The following MAPK6 variants were observed in gnomAD, a reference collection of about 807,000 sequenced individuals.
MAPK6 encodes the protein mitogen-activated protein kinase 6, also known as ERK-3.
A neutral mutation model predicts 59.3 loss-of-function variants in MAPK6; 19 were observed. The observed-to-expected ratio is 0.32, with a 90% CI of 0.22 to 0.47. The LOEUF is 0.47. MAPK6 is among the 20% of genes least tolerant of loss of function. The pLI is 1.00. For missense variants in MAPK6, 724 were observed against 847.9 expected (o/e 0.85, Z 1.81); for synonymous variants, 316 against 290.3 (o/e 1.09, Z -0.90).
At chr15:51,991,423 A>G (rs1344758859) in intron 2 of MAPK6, among the ~76,000 whole-genome samples, 4 of 152,170 alleles carry the variant, frequency 2.6e-5, no homozygotes, top group Non-Finnish European at 4.4e-5. Flanking sequence ...CATGCCAGAA[A>G]GGACTACTAG....
intron 3 of MAPK6, among the ~76,000 whole-genome samples, chr15:52,010,817 C>A (rs1465044655): frequency 6.6e-6 from 1 of 152,180 alleles, no homozygotes; most frequent in African/African-American, 2.4e-5. Context: ...CCGCGCCTGG[C>A]GGAGGGGATA....
intron 1 of MAPK6, among the ~76,000 whole-genome samples, chr15:52,020,250 C>T (rs949487469): frequency 6.6e-6 from 1 of 152,212 alleles, no homozygotes; most frequent in South Asian, 2.1e-4. Flanking sequence ...CCTTTTGTTT[C>T]TTGGCGAGTG....
chr15:52,054,073 A>G (rs1199666448), intron 3 of MAPK6, among the ~76,000 whole-genome samples: 1 of 150,408 alleles, frequency 6.6e-6, no homozygotes, highest in African/African-American at 2.5e-5. Context: ...AGAGTTTTAT[A>G]GGATTCTTAT....
intron 2 of MAPK6, among the ~76,000 whole-genome samples, chr15:51,993,642 A>G (rs2057216190): frequency 6.6e-6 from 1 of 152,148 alleles, no homozygotes; most frequent in South Asian, 2.1e-4. Flanking sequence ...GTAAAAGTTT[A>G]TATATATAAA....
At position 52,046,959 on chromosome 15, in the gene MAPK6, C is replaced by T; in HGVS notation, c.499C>T (p.Leu167=). ...NLFINTEDLV[L]KIGDFGLARI... is the part of the protein sequence containing the mutation. Reference sequence around the variant, plus strand: ...TTTCATTAATACGGAAGACTTGGTGCTGAAGATAGGTGACTTTGGTCTTGC... The same window carrying T: ...TTTCATTAATACGGAAGACTTGGTGTTGAAGATAGGTGACTTTGGTCTTGC... Residue 167 remains leucine, a synonymous_variant, in exon 2 of 6, where the codon CTG becomes TTG. Transcript: ENST00000261845. 6.2e-7 allele frequency: 1 copy of T among 1,609,650 alleles called. No individual in the cohort carries two copies. The highest frequency in any genetic ancestry group is 8.5e-7 in the Non-Finnish European group (1 of 1,177,930).
upstream of MAPK6, among the ~76,000 whole-genome samples, chr15:52,018,427 G>A (rs2030344172): frequency 6.6e-6 from 1 of 152,182 alleles, no homozygotes; most frequent in Non-Finnish European, 1.5e-5. Context: ...GCAAGATGGT[G>A]ATGAAGTCAT....
chr15:52,057,309 T>C (rs973257477), intron 3 of MAPK6: 1 of 151,890 alleles, frequency 6.6e-6, no homozygotes, highest in Non-Finnish European at 1.5e-5. Flanking sequence ...CATGATGGCT[T>C]TCCATCAAAC....
In MAPK6 at chr15:52,066,107, A is replaced by T. The variant is rs1424293676; in HGVS notation, c.*1107A>T. ...GTTTTTACTGAATGATCTATTCCCC[A>T]TCCCAAGGCAAGCATGAATAAAATT... On this transcript the variant is annotated 3_prime_UTR_variant, in exon 6 of 6. Coordinates refer to ENST00000261845, the MANE Select transcript of MAPK6 (RefSeq NM_002748.4). 6.6e-6 allele frequency: 1 copy of T among 152,664 alleles called. No homozygotes were observed. Among genetic ancestry groups the T allele is most frequent in the Non-Finnish European group, 1.5e-5 (1 of 68,038 alleles). The allele number at this position is 152,664 out of a possible 1,614,324, so 9.5% of individuals were successfully genotyped here.
chr15:52,024,936 G>A (rs150065386), intron 1 of MAPK6, among the ~76,000 whole-genome samples: 72 of 127,348 alleles, frequency 5.7e-4, no homozygotes, highest in African/African-American at 2.0e-3. Flanking sequence ...GCCCATGCTC[G>A]TCTCAAACTC....
intron 1 of MAPK6, among the ~76,000 whole-genome samples, chr15:51,982,641 T>C (rs984708716): frequency 1.3e-5 from 2 of 152,134 alleles, no homozygotes; most frequent in Non-Finnish European, 2.9e-5. Context: ...ACACTTCTTA[T>C]GATAAAATGA....
chr15:52,056,135 G>A (rs7167709), intron 3 of MAPK6, among the ~76,000 whole-genome samples: 149,016 of 152,298 alleles, frequency 0.98, 72,944 homozygotes, highest in Middle Eastern at 1. Flanking sequence ...AAATCAGTGT[G>A]TTTTTAGCCT....
chr15:52,013,110 T>C (rs1192893009), intron 3 of MAPK6, among the ~76,000 whole-genome samples: 3 of 143,568 alleles, frequency 2.1e-5, no homozygotes, highest in African/African-American at 7.8e-5. Flanking sequence ...TAGAGAACTC[T>C]CTCAAGATTC....
chr15:52,030,435 C>T (rs1235007587), intron 1 of MAPK6, among the ~76,000 whole-genome samples: 2 of 151,980 alleles, frequency 1.3e-5, no homozygotes, highest in Non-Finnish European at 2.9e-5. Context: ...GGAAAAACTG[C>T]ATAATAATTG....
intron 1 of MAPK6, among the ~76,000 whole-genome samples, chr15:52,040,662 G>T (rs1401999917): frequency 6.6e-6 from 1 of 152,150 alleles, no homozygotes; most frequent in Non-Finnish European, 1.5e-5. Context: ...TATACACTTA[G>T]GCTTGACTCC....
In MAPK6 at chr15:52,002,524, C is replaced by T. The variant is rs144590719; in HGVS notation, c.-769-1741C>T. ...ATTTATTAGGGAGGGCCCTTGGGATCGACATCTGTGAATGGCAGGGAAAGG... is the reference window on the plus strand; with the variant it reads ...ATTTATTAGGGAGGGCCCTTGGGATTGACATCTGTGAATGGCAGGGAAAGG... On this transcript the variant is annotated intron_variant, in intron 2 of 7. Coordinates refer to the MAPK6 transcript ENST00000691380. Among the ~76,000 whole-genome samples, 753 of 152,172 alleles carry T rather than the reference C, an allele frequency of 4.9e-3. 8 individuals carry two copies. Among genetic ancestry groups the T allele is most frequent in the Middle Eastern group, 0.01 (3 of 294 alleles).
intron 2 of MAPK6, among the ~76,000 whole-genome samples, chr15:52,048,522 CAGG>C (rs2031667975): frequency 1.3e-5 from 2 of 152,216 alleles, no homozygotes; most frequent in South Asian, 4.1e-4. Flanking sequence ...GAGGCTGAAG[CAGG>C]AGAATCCAGG....
In MAPK6 at chr15:52,050,010, A is replaced by G. The variant is rs2031725864; in HGVS notation, c.573A>G (p.Gly191=). ...TTTTATAGGGTCATCTTTCTGAAGG[A>G]TTGGTTACTAAATGGTACAGATCTC... ...HYSHKGHLSE[G]LVTKWYRSPR... is the part of the protein sequence containing the mutation. The change falls in exon 3 of 6, where the codon GGA becomes GGG. Residue 191 remains glycine, a synonymous_variant. Transcript: ENST00000261845. 1 of 1,611,440 alleles carries G rather than the reference A, an allele frequency of 6.2e-7. No homozygotes were observed. The highest frequency in any genetic ancestry group is 8.5e-7 in the Non-Finnish European group (1 of 1,179,140).
intron 1 of MAPK6, chr15:52,027,982 C>T (rs2030876146): frequency 1.8e-5 from 2 of 113,870 alleles, no homozygotes; most frequent in Non-Finnish European, 3.3e-5. Flanking sequence ...GAGACGGAGT[C>T]TCGCTCTGTT....
intron 2 of MAPK6, among the ~76,000 whole-genome samples, chr15:51,988,320 A>G (rs2057197369): frequency 1.3e-5 from 2 of 152,160 alleles, no homozygotes; most frequent in South Asian, 4.1e-4. Context: ...TATATAGGCT[A>G]AAAAAGGAGA....
Sources: allele counts gnomAD v4.1 joint callset (sites outside exome capture counted in the v4.1 genomes callset), GRCh38; gene constraint gnomAD v4.1.1; transcripts MANE v1.5; gene names NCBI Gene and HGNC (gene_info 2026-07-23, HGNC 2026-07-21).